The following CDH2 variants were observed in gnomAD, a reference collection of about 807,000 sequenced individuals.
CDH2 encodes the protein cadherin-2.
CDH2 carries 17 observed loss-of-function variants against 92.0 expected under a neutral mutation model. That is an observed-to-expected ratio of 0.18 (90% CI 0.13 to 0.28). CDH2 has a LOEUF of 0.28. Ranked by LOEUF, CDH2 falls within the 10% of genes least tolerant of loss-of-function variation. CDH2 has a pLI of 1.00. For synonymous variants in CDH2, 419 were observed against 415.9 expected, an observed-to-expected ratio of 1.01 and a Z score of -0.09; for missense variants, 862 against 1,133.1, an observed-to-expected ratio of 0.76 and a Z score of 3.44.
chr18:28,137,778 T>A (rs965263969), intron 2 of CDH2, among the ~76,000 whole-genome samples: 2 of 152,118 alleles, frequency 1.3e-5, no homozygotes, highest in Non-Finnish European at 2.9e-5. Context: ...ATATAATTTT[T>A]ATTTTTTTGT....
rs188042524 is a variant in CDH2 at position 28,033,381 on chromosome 18, C to A, written c.173-19472G>T. On this transcript the variant is annotated intron_variant, in intron 2 of 15. Transcript: ENST00000269141. ...TTGAGAAAAACAGTCTCTAGGTAGA[C>A]TGAAATCCATTAGTCTGAAGGGAGA... is the stretch of plus-strand genomic sequence containing the variant. Among the ~76,000 whole-genome samples, 299 of 152,102 alleles carry A rather than the reference C, an allele frequency of 2.0e-3. 5 individuals carry two copies. The highest frequency in any genetic ancestry group is 6.9e-3 in the African/African-American group (288 of 41,514).
At chr18:28,126,426 A>G (rs2015678746) in intron 2 of CDH2, among the ~76,000 whole-genome samples, 1 of 152,192 alleles carries the variant, frequency 6.6e-6, no homozygotes, top group Non-Finnish European at 1.5e-5. Flanking sequence ...TGCTTGTGCA[A>G]ACTCCCTAGC....
chr18:27,972,873 G>C (rs1395191275), intron 14 of CDH2, among the ~76,000 whole-genome samples: 1 of 152,202 alleles, frequency 6.6e-6, no homozygotes, highest in African/African-American at 2.4e-5. Context: ...TGGGGGCACA[G>C]AGCAGAGAAA....
intron 2 of CDH2, among the ~76,000 whole-genome samples, chr18:28,061,349 A>C (rs2014398448): frequency 6.6e-6 from 1 of 152,128 alleles, no homozygotes; most frequent in Admixed American, 6.6e-5. Context: ...TTTTCACTTA[A>C]AACTTTATCC....
chr18:27,984,559 G>A (rs576325228), intron 13 of CDH2, among the ~76,000 whole-genome samples: 5 of 152,168 alleles, frequency 3.3e-5, no homozygotes, highest in East Asian at 1.9e-4. Context: ...CTTGATCCTC[G>A]CATGACTGGA....
At position 27,985,563 on chromosome 18, in the gene CDH2, G is replaced by A; in HGVS notation, c.1940C>T (p.Thr647Ile). ...AGTGATGGTCCAATTTCTCTTAATA[G>A]TCACTGGAGATAAAGGAAGATCAAA... ...FAFDLPLSPV[T>I]IKRNWTITRL... Residue 647 changes from threonine (T) to isoleucine (I), a missense_variant, in exon 12 of 16, where the codon ACT becomes ATT. Physicochemically the swap from Thr to Ile is moderately conservative, Grantham distance 89. Coordinates refer to ENST00000269141, the MANE Select transcript of CDH2 (RefSeq NM_001792.5). 6.2e-7 allele frequency: 1 copy of A among 1,613,168 alleles called. No individual in the cohort carries two copies. The highest frequency in any genetic ancestry group is 8.5e-7 in the Non-Finnish European group (1 of 1,179,198).
intron 2 of CDH2, among the ~76,000 whole-genome samples, chr18:28,050,729 C>T (rs942977796): frequency 6.6e-6 from 1 of 152,134 alleles, no homozygotes; most frequent in Admixed American, 6.5e-5. Context: ...ACTGAAATAG[C>T]TCTCCCATTC....
chr18:28,114,698 G>A (rs994009571), intron 2 of CDH2, among the ~76,000 whole-genome samples: 1 of 152,186 alleles, frequency 6.6e-6, no homozygotes, highest in Admixed American at 6.6e-5. Context: ...TGGACCCGGT[G>A]TCAGTAAAAT....
intron 5 of CDH2, among the ~76,000 whole-genome samples, chr18:28,007,514 T>C (rs1031649737): frequency 1.3e-5 from 2 of 152,084 alleles, no homozygotes; most frequent in African/African-American, 4.8e-5. Context: ...TCAGAGGTTA[T>C]TTAAACACAT....
intron 1 of CDH2, among the ~76,000 whole-genome samples, chr18:28,169,928 C>T (rs925769039): frequency 6.6e-6 from 1 of 152,212 alleles, no homozygotes; most frequent in African/African-American, 2.4e-5. Flanking sequence ...GTTCCACATA[C>T]TAGTAAGGTC....
chr18:28,062,034 C>T (rs1329781497), intron 2 of CDH2, among the ~76,000 whole-genome samples: 1 of 152,174 alleles, frequency 6.6e-6, no homozygotes, highest in African/African-American at 2.4e-5. Context: ...GCCCTCATTC[C>T]TTTTGACAGC....
At chr18:28,143,832 A>T (rs985148302) in intron 2 of CDH2, among the ~76,000 whole-genome samples, 4 of 152,016 alleles carry the variant, frequency 2.6e-5, no homozygotes, top group Non-Finnish European at 5.9e-5. Flanking sequence ...AAAGAATGAG[A>T]TCATTTCCTT....
chr18:27,940,449 A>T (rs1236294520), intron 6 of CDH2, among the ~76,000 whole-genome samples: 3 of 152,202 alleles, frequency 2.0e-5, no homozygotes, highest in African/African-American at 7.2e-5. Flanking sequence ...CTCAACCATT[A>T]TCCATCAAGT....
chr18:28,144,994 A>C (rs541441529), intron 2 of CDH2, among the ~76,000 whole-genome samples: 29 of 152,170 alleles, frequency 1.9e-4, no homozygotes, highest in African/African-American at 7.0e-4. Context: ...CTTCTATATA[A>C]TTTTCTAACG....
At chr18:28,050,000 A>G (rs1396540717) in intron 2 of CDH2, among the ~76,000 whole-genome samples, 1 of 152,128 alleles carries the variant, frequency 6.6e-6, no homozygotes, top group East Asian at 1.9e-4. Context: ...CCACCATGCA[A>G]AAGAACATGT....
chr18:27,979,978 T>C (rs976064333), intron 14 of CDH2, among the ~76,000 whole-genome samples: 1 of 152,166 alleles, frequency 6.6e-6, no homozygotes, highest in Non-Finnish European at 1.5e-5. Flanking sequence ...ACCAGCTAAG[T>C]TCCCAATCAA....
intron 1 of CDH2, among the ~76,000 whole-genome samples, chr18:28,165,228 G>C (rs2016360751): frequency 6.6e-6 from 1 of 152,092 alleles, no homozygotes; most frequent in African/African-American, 2.4e-5. Context: ...TGTTGCCCAG[G>C]CTGGAGTGCA....
At position 28,013,738 on chromosome 18, in the gene CDH2, C is replaced by T; in HGVS notation, c.344G>A (p.Trp115Ter). ...CAGGCTCAATTTTACTGCCACTTGCCACTTTTCCTGGGTCTCTTTGTCTTG... is the reference window on the plus strand; with the variant it reads ...CAGGCTCAATTTTACTGCCACTTGCTACTTTTCCTGGGTCTCTTTGTCTTG... The part of the protein sequence containing the change: ...YAQDKETQEK[W>*]QVAVKLSLKP... The change falls in exon 3 of 16, where the codon TGG (tryptophan) becomes TAG (stop). Residue 115 changes from tryptophan (W) to a stop codon, truncating the protein, a stop_gained. Coordinates refer to ENST00000269141, the MANE Select transcript of CDH2 (RefSeq NM_001792.5). LOFTEE classifies it high-confidence loss of function. 1.2e-6 allele frequency: 2 copies of T among 1,614,014 alleles called. No homozygotes were observed. The highest frequency in any genetic ancestry group is 1.7e-6 in the Non-Finnish European group (2 of 1,179,956).
intron 2 of CDH2, among the ~76,000 whole-genome samples, chr18:28,107,775 T>A (rs2015346334): frequency 6.6e-6 from 1 of 152,088 alleles, no homozygotes; most frequent in African/African-American, 2.4e-5. Flanking sequence ...TTATGCATTT[T>A]AATTAGCCAT....
Sources: allele counts gnomAD v4.1 joint callset (sites outside exome capture counted in the v4.1 genomes callset), GRCh38; gene constraint gnomAD v4.1.1; transcripts MANE v1.5; gene names NCBI Gene and HGNC (gene_info 2026-07-23, HGNC 2026-07-21).